CACNA1E: variants seen among roughly 807,000 people sequenced by gnomAD.
The protein encoded by CACNA1E is calcium voltage-gated channel subunit alpha1 E.
CACNA1E carries 40 observed loss-of-function variants against 259.2 expected under a neutral mutation model. The observed-to-expected ratio is 0.15, with a 90% CI of 0.12 to 0.20. The LOEUF is 0.20. CACNA1E is among the 10% of genes least tolerant of loss of function. CACNA1E has a pLI of 1.00. For synonymous variants in CACNA1E, 1,104 were observed against 1,138.5 expected (o/e 0.97, Z 0.61); for missense variants, 1,874 against 3,040.1 (o/e 0.62, Z 9.02).
intron 2 of CACNA1E, among the ~76,000 whole-genome samples, chr1:181,449,891 G>A (rs4593780): frequency 1.3e-5 from 2 of 152,124 alleles, no homozygotes; most frequent in Non-Finnish European, 2.9e-5. Context: ...GGAAATATAA[G>A]GTATTATAGG....
At chr1:181,528,075 G>A (rs1667493877) in intron 3 of CACNA1E, among the ~76,000 whole-genome samples, 1 of 150,210 alleles carries the variant, frequency 6.7e-6, no homozygotes, top group African/African-American at 2.5e-5. Context: ...ATATGGTTTG[G>A]TTGTGTCCCT....
intron 1 of CACNA1E, among the ~76,000 whole-genome samples, chr1:181,493,494 T>C (rs1354123348): frequency 6.6e-6 from 1 of 152,208 alleles, no homozygotes; most frequent in Non-Finnish European, 1.5e-5. Flanking sequence ...ACTTAAGATA[T>C]AGGAAGTGGA....
intron 6 of CACNA1E, among the ~76,000 whole-genome samples, chr1:181,640,331 C>T (rs1408125317): frequency 7.9e-5 from 12 of 152,160 alleles, no homozygotes; most frequent in Admixed American, 7.9e-4. Flanking sequence ...TGCATCAACG[C>T]TGATGTAGAC....
chr1:181,771,806 T>G (rs1437470103), intron 36 of CACNA1E, among the ~76,000 whole-genome samples: 4 of 152,168 alleles, frequency 2.6e-5, no homozygotes, highest in African/African-American at 7.2e-5. Flanking sequence ...AGGTTTATGC[T>G]GGGTCTTAGA....
chr1:181,668,352 C>T (rs1334036077), intron 7 of CACNA1E, among the ~76,000 whole-genome samples: 1 of 152,136 alleles, frequency 6.6e-6, no homozygotes, highest in Non-Finnish European at 1.5e-5. Context: ...AATAGTATTC[C>T]ATGGTATGGA....
At chr1:181,324,210 T>C (rs1650593013) in intron 1 of CACNA1E, among the ~76,000 whole-genome samples, 1 of 152,164 alleles carries the variant, frequency 6.6e-6, no homozygotes, top group Non-Finnish European at 1.5e-5. Flanking sequence ...GGAATTTATA[T>C]TATATTGTAG....
chr1:181,733,762 G>A lies in CACNA1E; in HGVS notation c.3262+12G>A, dbSNP rs766974315. On this transcript the variant is annotated intron_variant, in intron 21 of 47. Coordinates refer to ENST00000367573, the MANE Select transcript of CACNA1E (RefSeq NM_001205293.3). Reference sequence around the variant, plus strand: ...AACCGTGGTGCACAGTGAGAGCACAGTCCCTGTTCCCCTCCACCCCCAACT... The same window carrying A: ...AACCGTGGTGCACAGTGAGAGCACAATCCCTGTTCCCCTCCACCCCCAACT... The A allele has an allele frequency of 4.7e-6, 7 of 1,494,342 alleles. No homozygotes were observed. The highest frequency in any genetic ancestry group is 6.3e-6 in the Non-Finnish European group (7 of 1,117,216). The allele number at this position is 1,494,342 out of a possible 1,614,324, so 92.6% of individuals were successfully genotyped here. A position where few individuals can be genotyped will look rare whatever the true frequency, so the allele number is the denominator to read the frequency against.
chr1:181,752,281 C>T (rs1572797634), intron 27 of CACNA1E, 42 bp downstream of exon 27: 1 of 1,393,272 alleles, frequency 7.2e-7, no homozygotes, highest in Admixed American at 1.7e-5. Context: ...CCCCTTCTCC[C>T]ATCTTCTCTC....
At chr1:181,701,299 C>T (rs923526211) in intron 7 of CACNA1E, among the ~76,000 whole-genome samples, 14 of 152,166 alleles carry the variant, frequency 9.2e-5, no homozygotes, top group South Asian at 2.1e-4. Context: ...CAGAGGAGTG[C>T]GAAATGTGTC....
chr1:181,538,662 T>TG (rs1468335364), intron 3 of CACNA1E, among the ~76,000 whole-genome samples: 1 of 151,852 alleles, frequency 6.6e-6, no homozygotes, highest in Admixed American at 6.6e-5. Context: ...TGACTGTGTT[T>TG]GGGAAAAAAA....
chr1:181,759,943 A>C (rs3753749), intron 32 of CACNA1E, among the ~76,000 whole-genome samples: 39,180 of 152,066 alleles, frequency 0.26, 5,112 homozygotes, highest in South Asian at 0.34. Context: ...AAGGGAACCA[A>C]TTGCAGTTGG....
rs527727532 is a variant in CACNA1E at position 181,799,879 on chromosome 1, T to C, written c.*1045T>C. ...ACAGTGCTACGGCCACACCAGCACC[T>C]CCTGGCTGAAGGTCAGCCCACACTC... On this transcript the variant is annotated 3_prime_UTR_variant, in exon 48 of 48. Coordinates refer to ENST00000367573, the MANE Select transcript of CACNA1E (RefSeq NM_001205293.3). 6.6e-6 allele frequency: 1 copy of C among 150,818 alleles called. No individual in the cohort carries two copies. The highest frequency in any genetic ancestry group is 2.4e-5 in the African/African-American group (1 of 41,398). 9.3% of individuals were successfully genotyped at this position (150,818 alleles called of 1,614,324 possible).
chr1:181,741,562 C>T (rs1656578241), intron 25 of CACNA1E, among the ~76,000 whole-genome samples: 2 of 152,204 alleles, frequency 1.3e-5, no homozygotes, highest in South Asian at 4.1e-4. Context: ...CAGACACACC[C>T]CCCTTGCCTA....
At chr1:181,387,521 A>G (rs934368663) in intron 1 of CACNA1E, among the ~76,000 whole-genome samples, 1 of 152,182 alleles carries the variant, frequency 6.6e-6, no homozygotes, top group African/African-American at 2.4e-5. Flanking sequence ...CAGGAGCCAA[A>G]GGTATATGAA....
At chr1:181,779,159 C>A (rs1236372572) in intron 38 of CACNA1E, among the ~76,000 whole-genome samples, 1 of 152,292 alleles carries the variant, frequency 6.6e-6, no homozygotes, top group East Asian at 1.9e-4. Context: ...CTGCATCTGG[C>A]CAGGTATGGT....
At position 181,798,738 on chromosome 1, in the gene CACNA1E, C is replaced by T; in HGVS notation, c.6846C>T (p.His2282=). The part of the protein sequence containing the change: ...LRHSWQMPNG[H]YRRRRRGGPG... The stretch of plus-strand genomic sequence containing the variant: ...ATAGCTGGCAGATGCCCAACGGGCA[C>T]TATCGGCGGCGGAGGCGCGGGGGGC... The change falls in exon 48 of 48, where the codon CAC becomes CAT. Residue 2282 remains histidine (H), a synonymous_variant. Transcript: ENST00000367573. The surrounding 1 kb of genome is among the most constrained non-coding windows in gnomAD (Gnocchi z 4.2). The T allele has an allele frequency of 6.2e-7, 1 of 1,606,922 alleles. No homozygotes were observed. Among genetic ancestry groups the T allele is most frequent in the Non-Finnish European group, 8.5e-7 (1 of 1,175,840 alleles).
At position 181,379,350 on chromosome 1, in the gene CACNA1E, A is replaced by G. The variant is rs548715333; in HGVS notation, c.-14-33783A>G. Among the ~76,000 whole-genome samples, 259 of 152,338 alleles carry G rather than the reference A, an allele frequency of 1.7e-3. 1 individual carries two copies. Among genetic ancestry groups the G allele is most frequent in the African/African-American group, 5.9e-3 (246 of 41,582 alleles). ...TTTAATGAAAACTATAAATCTACAA[A>G]TTCAAGAAGCTTACAAACCACAAGC... On this transcript the variant is annotated intron_variant, in intron 1 of 11. Transcript: ENST00000524607.
At chr1:181,337,365 T>C (rs959363132) in intron 1 of CACNA1E, among the ~76,000 whole-genome samples, 6 of 152,124 alleles carry the variant, frequency 3.9e-5, no homozygotes, top group Non-Finnish European at 8.8e-5. Flanking sequence ...TTCACTGTGT[T>C]AGCCAGGATG....
intron 3 of CACNA1E, among the ~76,000 whole-genome samples, chr1:181,547,750 A>T (rs1647650384): frequency 6.6e-6 from 1 of 152,250 alleles, no homozygotes; most frequent in Non-Finnish European, 1.5e-5. Context: ...TTTGCGATGC[A>T]ATTAGCACTT....
Sources: gnomAD v4.1 joint callset for allele counts (sites outside exome capture counted in the v4.1 genomes callset) on GRCh38, gnomAD v4.1.1 for gene constraint, Gnocchi (gnomAD v3.1) non-coding constraint, MANE v1.5 for transcripts, NCBI Gene and HGNC (gene_info 2026-07-23, HGNC 2026-07-21) for gene names.